DNAI3: variants seen among roughly 807,000 people sequenced by gnomAD.
The protein encoded by DNAI3 is dynein axonemal intermediate chain 3.
Under a neutral mutation model 115.5 loss-of-function variants are expected in DNAI3, and 83 were observed. The observed-to-expected ratio is 0.72, with a 90% CI of 0.60 to 0.86. The LOEUF is 0.86. DNAI3 is among the 40% of genes least tolerant of loss of function. The pLI, the probability that DNAI3 is intolerant of heterozygous loss-of-function variation, is 0.00. For synonymous variants in DNAI3, 320 were observed against 347.0 expected (o/e 0.92, Z 0.86); for missense variants, 1,004 against 1,075.8 (o/e 0.93, Z 0.93).
chr1:85,080,197 G>A (rs938974248), intron 3 of DNAI3, among the ~76,000 whole-genome samples: 23 of 151,530 alleles, frequency 1.5e-4, no homozygotes, highest in Non-Finnish European at 2.4e-4. Context: ...GACTACAGGC[G>A]CGTGCCACCA....
At chr1:85,110,017 A>G (rs369781101) in intron 15 of DNAI3, 31 bp from the exon 16 acceptor site, 1 of 1,595,294 alleles carries the variant, frequency 6.3e-7, no homozygotes, top group East Asian at 2.2e-5. Context: ...GGATATGTGG[A>G]AATAATCTTT....
chr1:85,110,155 TAAAAA>T lies in DNAI3; in HGVS notation c.1786+30_1786+34del. 7 of 1,398,318 alleles carry T rather than the reference TAAAAA, an allele frequency of 5.0e-6. No homozygotes were observed. The highest frequency in any genetic ancestry group is 5.9e-6 in the Non-Finnish European group (6 of 1,017,858). The allele number at this position is 1,398,318 out of a possible 1,614,324, so 86.6% of individuals were successfully genotyped here. A position where few individuals can be genotyped will look rare whatever the true frequency, so the allele number is the denominator to read the frequency against. On this transcript the variant is annotated intron_variant, in intron 16 of 22. Transcript: ENST00000294664. The stretch of plus-strand genomic sequence containing the variant: ...CACAAGGTAACTGCCTTTGCTTATT[TAAAAA>T]AAAAAAAAAGGCCGGGCGCGGTGGC...
At chr1:85,115,451 C>T (rs765333821) in intron 16 of DNAI3, among the ~76,000 whole-genome samples, 10 of 152,150 alleles carry the variant, frequency 6.6e-5, no homozygotes, top group South Asian at 2.1e-4. Context: ...CACTTTAGTG[C>T]CTGGCATGTA....
At chr1:85,084,259 TATATATATATATATATATACACATCC>T (rs983194257) in intron 5 of DNAI3, among the ~76,000 whole-genome samples, 8 of 97,312 alleles carry the variant, frequency 8.2e-5, no homozygotes, top group African/African-American at 2.6e-4. Flanking sequence ...TGTATATATA[TATATATATATATATATATACACATCC>T]ATATGTAGAG....
Position 85,124,157 on chromosome 1 carries a change from G to T in DNAI3, c.2018G>T (p.Gly673Val). ...GTGAGCCACCACACCATTCACGACG[G>T]AACTGTCCACACTATTCAGAGATCA... is the stretch of plus-strand genomic sequence containing the variant. ...KPVSHHTIHD[G>V]TVHTIQRSPF... The change falls in exon 19 of 23, where the codon GGA (glycine) becomes GTA (valine). Residue 673 changes from glycine (G) to valine (V), a missense_variant. Transcript: ENST00000294664. 1 of 1,614,152 alleles carries T rather than the reference G, an allele frequency of 6.2e-7. No homozygotes were observed. The highest frequency in any genetic ancestry group is 8.5e-7 in the Non-Finnish European group (1 of 1,180,008).
In DNAI3 at chr1:85,090,140, G is replaced by T; in HGVS notation, c.765G>T (p.Thr255=). The change falls in exon 8 of 23, where the codon ACG becomes ACT. Residue 255 remains threonine (T), a synonymous_variant. Transcript: ENST00000294664. ...GGACATATCCTAAAAATGCTACTAC[G>T]CAATATTATCCAAGAGAATTCTCAG... ...TKWTYPKNAT[T]QYYPREFSEE... 1 of 1,572,844 alleles carries T rather than the reference G, an allele frequency of 6.4e-7. No homozygotes were observed. Among genetic ancestry groups the T allele is most frequent in the Middle Eastern group, 1.7e-4 (1 of 5,876 alleles).
At chr1:85,066,028 C>T (rs6695223) in intron 1 of DNAI3, among the ~76,000 whole-genome samples, 130,914 of 152,212 alleles carry the variant, frequency 0.86, 56,490 homozygotes, top group South Asian at 0.92. Context: ...TTTTGTCAAC[C>T]TCTAATGTCT....
chr1:85,086,756 T>C (rs1654811197), intron 7 of DNAI3, among the ~76,000 whole-genome samples: 1 of 152,004 alleles, frequency 6.6e-6, no homozygotes, highest in Non-Finnish European at 1.5e-5. Context: ...CCTGCTTGGA[T>C]TACTGTAATT....
chr1:85,081,927 C>G (rs1472516881), intron 4 of DNAI3, among the ~76,000 whole-genome samples: 1 of 152,230 alleles, frequency 6.6e-6, no homozygotes, highest in African/African-American at 2.4e-5. Context: ...AGGCATCAGC[C>G]ACCGTGCTCC....
intron 10 of DNAI3, among the ~76,000 whole-genome samples, chr1:85,095,238 T>C (rs1655090143): frequency 6.6e-6 from 1 of 152,174 alleles, no homozygotes; most frequent in Non-Finnish European, 1.5e-5. Context: ...TGGTGTATAG[T>C]GTTAGATTAA....
At chr1:85,105,848 T>TATC (rs1655474404) in intron 14 of DNAI3, among the ~76,000 whole-genome samples, 1 of 152,168 alleles carries the variant, frequency 6.6e-6, no homozygotes, top group South Asian at 2.1e-4. Context: ...GCTCCTACTG[T>TATC]ATCATGAACC....
chr1:85,066,785 T>C (rs2100550220), intron 1 of DNAI3, among the ~76,000 whole-genome samples: 1 of 152,302 alleles, frequency 6.6e-6, no homozygotes, highest in South Asian at 2.1e-4. Flanking sequence ...GTTTGTTAAA[T>C]ATAACACATT....
intron 16 of DNAI3, 59 bp from the exon 17 acceptor site, chr1:85,117,670 T>C: frequency 6.3e-7 from 1 of 1,592,756 alleles, no homozygotes; most frequent in East Asian, 2.2e-5. Context: ...AAACTGTCTA[T>C]ATTTTAAAAG....
chr1:85,129,759 T>C (rs1656258088), intron 21 of DNAI3, among the ~76,000 whole-genome samples: 1 of 152,170 alleles, frequency 6.6e-6, no homozygotes, highest in South Asian at 2.1e-4. Flanking sequence ...GTAGTGGGCC[T>C]GTGAATACAA....
intron 12 of DNAI3, 95 bp from the exon 13 acceptor site, chr1:85,098,428 ATATCTCT>A: frequency 1.5e-6 from 2 of 1,369,322 alleles, no homozygotes; most frequent in South Asian, 1.4e-5. Flanking sequence ...TTGAACTGGT[ATATCTCT>A]AAATTGTTCA....
intron 3 of DNAI3, among the ~76,000 whole-genome samples, chr1:85,074,661 A>G (rs2100559147): frequency 6.6e-6 from 1 of 152,318 alleles, no homozygotes; most frequent in African/African-American, 2.4e-5. Flanking sequence ...AAGTACAGTC[A>G]ATTCTCGTTC....
intron 3 of DNAI3, among the ~76,000 whole-genome samples, chr1:85,074,269 A>G (rs534200765): frequency 6.6e-6 from 1 of 152,072 alleles, no homozygotes; most frequent in African/African-American, 2.4e-5. Flanking sequence ...CCTTCTGTCC[A>G]TTTGGCGCAC....
intron 2 of DNAI3, among the ~76,000 whole-genome samples, chr1:85,072,737 C>T (rs1654317946): frequency 6.6e-6 from 1 of 151,534 alleles, no homozygotes; most frequent in Non-Finnish European, 1.5e-5. Flanking sequence ...GGACGGATCA[C>T]AAGGTCAGGA....
intron 3 of DNAI3, among the ~76,000 whole-genome samples, chr1:85,076,709 A>T (rs572251267): frequency 2.0e-4 from 30 of 152,272 alleles, no homozygotes; most frequent in African/African-American, 6.5e-4. Context: ...ACCTGCCCCC[A>T]TGATTCAATT....
Sources: allele counts gnomAD v4.1 joint callset (sites outside exome capture counted in the v4.1 genomes callset), GRCh38; gene constraint gnomAD v4.1.1; transcripts MANE v1.5; gene names NCBI Gene and HGNC (gene_info 2026-07-23, HGNC 2026-07-21).